Variants in CMYA5 observed in about 807,000 individuals in gnomAD.
CMYA5 encodes the protein cardiomyopathy associated 5, also known as cardiomyopathy-associated protein 5.
In CMYA5, 246 loss-of-function variants were observed where a neutral mutation model predicts 318.9. The ratio of observed to expected loss-of-function variants is 0.77; its 90% CI spans 0.70 to 0.86. The LOEUF is 0.86. Among genes scored for constraint, CMYA5 ranks in the 40% least tolerant of loss-of-function variants. CMYA5 has a pLI of 0.00. For synonymous variants in CMYA5, 1,641 were observed against 1,729.5 expected (o/e 0.95, Z 1.27); for missense variants, 4,589 against 4,678.2 (o/e 0.98, Z 0.56).
intron 9 of CMYA5, among the ~76,000 whole-genome samples, chr5:79,770,351 GA>G (rs371717250): frequency 5.3e-5 from 8 of 151,238 alleles, no homozygotes; most frequent in East Asian, 3.9e-4. Context: ...ACTGGGTTAT[GA>G]AAAAAAAACT....
intron 4 of CMYA5, among the ~76,000 whole-genome samples, chr5:79,746,877 C>T (rs1366774257): frequency 6.6e-6 from 1 of 152,154 alleles, no homozygotes; most frequent in South Asian, 2.1e-4. Flanking sequence ...CCCATTCCCC[C>T]TCCCCTGCAC....
At position 79,730,164 on chromosome 5, in the gene CMYA5, G is replaced by A. The variant is rs904814987; in HGVS notation, c.1399G>A (p.Glu467Lys). The change falls in exon 2 of 13, where the codon GAA (glutamate) becomes AAA (lysine). Residue 467 changes from glutamate to lysine, a missense_variant. Physicochemically the swap from Glu to Lys is moderately conservative, Grantham distance 56. Coordinates refer to ENST00000446378, the MANE Select transcript of CMYA5 (RefSeq NM_153610.5). ...GGACCTGACTTCAATAGAAAGGGCA[G>A]AACCAGTCTCCGCAAAACTGACCCC... ...QPDLTSIERA[E>K]PVSAKLTPTH... 9.3e-6 allele frequency: 15 copies of A among 1,613,792 alleles called. No homozygotes were observed. Among genetic ancestry groups the A allele is most frequent in the Non-Finnish European group, 1.3e-5 (15 of 1,179,890 alleles).
chr5:79,792,521 T>C (rs1829198699), intron 11 of CMYA5, among the ~76,000 whole-genome samples: 1 of 152,194 alleles, frequency 6.6e-6, no homozygotes, highest in Admixed American at 6.5e-5. Context: ...AGCTGGGCCT[T>C]GCTCCAGAGT....
At chr5:79,694,222 C>A (rs1401364787) in intron 1 of CMYA5, among the ~76,000 whole-genome samples, 1 of 152,062 alleles carries the variant, frequency 6.6e-6, no homozygotes, top group Non-Finnish European at 1.5e-5. Context: ...CTATACCAGT[C>A]AGGATAAAAA....
Position 79,737,798 on chromosome 5 carries a change from A to G in CMYA5, c.9033A>G (p.Glu3011=). The G allele has an allele frequency of 6.2e-7, 1 of 1,610,300 alleles. No homozygotes were observed. Among genetic ancestry groups the G allele is most frequent in the East Asian group, 2.2e-5 (1 of 44,852 alleles). ...CATTAAAGAGCAGGTTAGAAGATGAAAAAGTTACCCCATTGAAAGAAAATA... is the reference window on the plus strand; with the variant it reads ...CATTAAAGAGCAGGTTAGAAGATGAGAAAGTTACCCCATTGAAAGAAAATA... The part of the protein sequence containing the change: ...HKTLKSRLED[E]KVTPLKENKQ... The change falls in exon 2 of 13, where the codon GAA becomes GAG. Residue 3011 remains glutamate, a synonymous_variant. Transcript: ENST00000446378.
chr5:79,707,505 A>G (rs897680138), intron 1 of CMYA5, among the ~76,000 whole-genome samples: 1 of 152,230 alleles, frequency 6.6e-6, no homozygotes, highest in African/African-American at 2.4e-5. Flanking sequence ...GGTAATCATT[A>G]TTAAAGAGGT....
At position 79,735,684 on chromosome 5, in the gene CMYA5, GTTAC is replaced by G. The variant is rs1561211209; in HGVS notation, c.6922_6925del (p.Thr2308LeufsTer14). 1 of 1,608,258 alleles carries G rather than the reference GTTAC, an allele frequency of 6.2e-7. No homozygotes were observed. The highest frequency in any genetic ancestry group is 2.2e-5 in the East Asian group (1 of 44,866). On this transcript the variant is annotated frameshift_variant, in exon 2 of 13. Coordinates refer to ENST00000446378, the MANE Select transcript of CMYA5 (RefSeq NM_153610.5). LOFTEE classifies it high-confidence loss of function. Reference sequence around the variant, plus strand: ...AGAGGAAATGAACATAAACTCAGTAGTTACTTCTGCTGATGGTGAGAACCTTGAA... The same window carrying G: ...AGAGGAAATGAACATAAACTCAGTAGTTCTGCTGATGGTGAGAACCTTGAA...
At chr5:79,757,637 A>G (rs1254879755) in intron 6 of CMYA5, among the ~76,000 whole-genome samples, 5 of 152,220 alleles carry the variant, frequency 3.3e-5, no homozygotes, top group Non-Finnish European at 5.9e-5. Flanking sequence ...TACACCAACT[A>G]TATCTTAAAA....
chr5:79,690,597 C>T (rs1826952517), intron 1 of CMYA5, among the ~76,000 whole-genome samples: 2 of 152,122 alleles, frequency 1.3e-5, no homozygotes, highest in Non-Finnish European at 2.9e-5. Context: ...TCCCAAATCC[C>T]AAATATCAGT....
At chr5:79,706,913 C>G (rs2151077193) in intron 1 of CMYA5, among the ~76,000 whole-genome samples, 1 of 152,294 alleles carries the variant, frequency 6.6e-6, no homozygotes, top group East Asian at 1.9e-4. Context: ...GTTGCCATTT[C>G]TAGCAATGCT....
chr5:79,743,836 G>A lies in CMYA5; in HGVS notation c.10648G>A (p.Ala3550Thr). 1 of 1,526,902 alleles carries A rather than the reference G, an allele frequency of 6.5e-7. No homozygotes were observed. The highest frequency in any genetic ancestry group is 1.2e-5 in the South Asian group (1 of 82,022). 94.6% of individuals were successfully genotyped at this position (1,526,902 alleles called of 1,614,324 possible). A position where few individuals can be genotyped will look rare whatever the true frequency, so the allele number is the denominator to read the frequency against. ...TAISAVKVQL[A>T]EFLENLQEKS... The stretch of plus-strand genomic sequence containing the variant: ...TAATTCTTTTCTTCAGGTTCAATTA[G>A]CAGAATTTCTAGAAAATTTACAAGA... The change falls in exon 3 of 13, where the codon GCA becomes ACA. Residue 3550 changes from alanine (A) to threonine (T), a missense_variant. Ala to Thr is a moderately conservative substitution (Grantham distance 58). Transcript: ENST00000446378.
chr5:79,746,373 A>C (rs1023561631), intron 4 of CMYA5, among the ~76,000 whole-genome samples: 2 of 152,190 alleles, frequency 1.3e-5, no homozygotes, highest in Non-Finnish European at 2.9e-5. Context: ...CCATTCTCAA[A>C]GAGAACTAAA....
At chr5:79,773,839 C>G (rs1043944780) in intron 9 of CMYA5, among the ~76,000 whole-genome samples, 1 of 152,146 alleles carries the variant, frequency 6.6e-6, no homozygotes, top group African/African-American at 2.4e-5. Context: ...CTTTTCCACC[C>G]CCAATCCCCG....
rs1435932830 is a variant in CMYA5, at chr5:79,737,639, T to C, written c.8874T>C (p.Ala2958=). ...SEGCEILNIH[A]PAFISSIDQE... ...GCTGTGAGATATTGAATATTCATGC[T>C]CCGGCCTTTATTTCTTCAATCGATC... The change falls in exon 2 of 13, where the codon GCT becomes GCC. Residue 2958 remains alanine (A), a synonymous_variant. Transcript: ENST00000446378. 3.1e-6 allele frequency: 5 copies of C among 1,613,604 alleles called. No homozygotes were observed. In the Admixed American group the frequency reaches 5.0e-5, roughly 16 times the overall value.
At chr5:79,700,321 G>C (rs1313720761) in intron 1 of CMYA5, among the ~76,000 whole-genome samples, 1 of 152,198 alleles carries the variant, frequency 6.6e-6, no homozygotes, top group South Asian at 2.1e-4. Context: ...TAGGTGAGAG[G>C]TGCTGCCTTG....
At position 79,730,700 on chromosome 5, in the gene CMYA5, A is replaced by G; in HGVS notation, c.1935A>G (p.Ala645=). ...AATTTGAGGCTTATTCCCCAGCTGC[A>G]GCCCCTACATCTGAGAGCTCTCTCT... ...NEEFEAYSPA[A]APTSESSLSP... Residue 645 remains alanine (A), a synonymous_variant, in exon 2 of 13, where the codon GCA becomes GCG. Transcript: ENST00000446378. The G allele has an allele frequency of 6.2e-7, 1 of 1,614,008 alleles. No homozygotes were observed. Among genetic ancestry groups the G allele is most frequent in the Non-Finnish European group, 8.5e-7 (1 of 1,179,882 alleles).
rs772080919 is a variant in CMYA5, at chr5:79,731,871, T to G, written c.3106T>G (p.Ser1036Ala). The change falls in exon 2 of 13, where the codon TCC (serine) becomes GCC (alanine). Residue 1036 changes from serine to alanine, a missense_variant. Coordinates refer to ENST00000446378, the MANE Select transcript of CMYA5 (RefSeq NM_153610.5). ...AACTGCAGTGTCTGCTTCAGGTTAT[T>G]CCTGCTTTTCAGAAGCAGATGAGGA... is the stretch of plus-strand genomic sequence containing the variant. The part of the protein sequence containing the change: ...LLTAVSASGY[S>A]CFSEADEEDI... 3.7e-6 allele frequency: 6 copies of G among 1,613,418 alleles called. No individual in the cohort carries two copies. In the East Asian group the frequency reaches 1.1e-4, roughly 30 times the overall value.
At chr5:79,743,975 G>GA in intron 3 of CMYA5, 53 bp downstream of exon 3, 1 of 892,824 alleles carries the variant, frequency 1.1e-6, no homozygotes, top group Non-Finnish European at 1.7e-6. Context: ...AGTATCAGAA[G>GA]TAAATGATTC....
rs1561212515 is a variant in CMYA5 at position 79,737,082 on chromosome 5, G to C, written c.8317G>C (p.Gly2773Arg). The C allele has an allele frequency of 6.2e-7, 1 of 1,613,648 alleles. No individual in the cohort carries two copies. Among genetic ancestry groups the C allele is most frequent in the Non-Finnish European group, 8.5e-7 (1 of 1,179,780 alleles). ...QFKESELWKG[G>R]SVDITKESMK... The stretch of plus-strand genomic sequence containing the variant: ...CAAAGAGTCAGAGCTATGGAAAGGT[G>C]GTTCAGTAGATATCACAAAAGAAAG... Residue 2773 changes from glycine to arginine, a missense_variant, in exon 2 of 13, where the codon GGT (glycine) becomes CGT (arginine). By Grantham distance (125) the Gly-to-Arg change is moderately radical. Around this residue, in one of 3 missense-constraint regions of CMYA5, gnomAD observed 2,431 missense variants for 2,495.1 expected, o/e 0.97. Transcript: ENST00000446378.
Sources: allele counts gnomAD v4.1 joint callset (sites outside exome capture counted in the v4.1 genomes callset), GRCh38; gene constraint gnomAD v4.1.1; regional missense constraint gnomAD v4.1.1; transcripts MANE v1.5; gene names NCBI Gene and HGNC (gene_info 2026-07-23, HGNC 2026-07-21).